Variants in BNC2 observed in about 807,000 individuals in gnomAD.
BNC2 encodes the protein basonuclin zinc finger protein 2.
In BNC2, 20 loss-of-function variants were observed where a neutral mutation model predicts 76.3. That is an observed-to-expected ratio of 0.26 (90% confidence interval 0.18 to 0.38). The LOEUF (loss-of-function observed/expected upper bound fraction) is 0.38, where lower values mean the gene tolerates loss of function less well. Ranked by LOEUF, BNC2 falls within the 10% of genes least tolerant of loss-of-function variation. BNC2 has a pLI of 1.00. For synonymous variants in BNC2, 582 were observed against 514.8 expected (o/e 1.13, Z -1.77); for missense variants, 1,382 against 1,399.8 (o/e 0.99, Z 0.20).
At chr9:16,474,725 G>C (rs1005985289) in intron 5 of BNC2, among the ~76,000 whole-genome samples, 4 of 151,722 alleles carry the variant, frequency 2.6e-5, no homozygotes, top group Non-Finnish European at 5.9e-5. Context: ...TGAAGCTTTC[G>C]TTGAAAAAAA....
At chr9:16,768,934 A>G (rs1825763281) in intron 1 of BNC2, among the ~76,000 whole-genome samples, 1 of 152,230 alleles carries the variant, frequency 6.6e-6, no homozygotes, top group African/African-American at 2.4e-5. Flanking sequence ...CAAATGGCGC[A>G]GACAGTGGCA....
At chr9:16,567,499 T>C (rs1325487135) in intron 4 of BNC2, among the ~76,000 whole-genome samples, 1 of 152,166 alleles carries the variant, frequency 6.6e-6, no homozygotes, top group African/African-American at 2.4e-5. Flanking sequence ...ATAACAGGAA[T>C]TGCTCCTCAA....
intron 5 of BNC2, among the ~76,000 whole-genome samples, chr9:16,458,938 T>A (rs1821514238): frequency 6.6e-6 from 1 of 152,162 alleles, no homozygotes; most frequent in Non-Finnish European, 1.5e-5. Flanking sequence ...TCTGTTTAGT[T>A]TCCTGGTTTT....
chr9:16,472,987 A>G (rs947554995), intron 5 of BNC2, among the ~76,000 whole-genome samples: 1 of 152,182 alleles, frequency 6.6e-6, no homozygotes, highest in African/African-American at 2.4e-5. Flanking sequence ...ACTATGGCAG[A>G]GTCCCAAGGC....
intron 5 of BNC2, among the ~76,000 whole-genome samples, chr9:16,469,320 G>C (rs1056465151): frequency 6.6e-6 from 1 of 152,172 alleles, no homozygotes; most frequent in Non-Finnish European, 1.5e-5. Flanking sequence ...GGAGGTAACT[G>C]AATCATGGGG....
chr9:16,835,317 A>G (rs1818681480), intron 1 of BNC2, among the ~76,000 whole-genome samples: 1 of 152,204 alleles, frequency 6.6e-6, no homozygotes, highest in African/African-American at 2.4e-5. Context: ...AACTCATCTA[A>G]TTCTCACCAC....
chr9:16,458,040 T>C (rs907777375), intron 5 of BNC2, among the ~76,000 whole-genome samples: 1 of 152,154 alleles, frequency 6.6e-6, no homozygotes, highest in Non-Finnish European at 1.5e-5. Flanking sequence ...AATGTCTGTC[T>C]TTATTTGAGC....
chr9:16,619,949 G>C (rs1397325076), intron 3 of BNC2, among the ~76,000 whole-genome samples: 2 of 152,098 alleles, frequency 1.3e-5, no homozygotes, highest in East Asian at 3.9e-4. Flanking sequence ...GCTTTCAGTG[G>C]ACATACAAGT....
chr9:16,618,182 C>T lies in BNC2; in HGVS notation c.331-35097G>A, dbSNP rs560522585. Among the ~76,000 whole-genome samples, 30 of 152,286 alleles carry T rather than the reference C, an allele frequency of 2.0e-4. No homozygotes were observed. The Middle Eastern group carries it at 0.014, about 69-fold the overall frequency. ...GGCCAGTGCCTTGGGGACTGGTTGG[C>T]TACACTGGCTCTGTGACTTAAACCA... is the stretch of plus-strand genomic sequence containing the variant. On this transcript the variant is annotated intron_variant, in intron 3 of 6. Transcript: ENST00000380672.
At chr9:16,565,764 C>T (rs532651060) in intron 4 of BNC2, among the ~76,000 whole-genome samples, 9 of 151,232 alleles carry the variant, frequency 6.0e-5, no homozygotes, top group East Asian at 5.8e-4. Flanking sequence ...GCCAAGATTG[C>T]GCCACTGCAC....
chr9:16,760,524 G>C (rs566042849), intron 1 of BNC2, among the ~76,000 whole-genome samples: 1 of 152,214 alleles, frequency 6.6e-6, no homozygotes, highest in South Asian at 2.1e-4. Context: ...GTGAAAAAAA[G>C]GTCCAATCCA....
intron 1 of BNC2, among the ~76,000 whole-genome samples, chr9:16,788,974 T>C (rs949585833): frequency 1.3e-5 from 2 of 152,184 alleles, no homozygotes; most frequent in African/African-American, 2.4e-5. Context: ...CCTGGTTAAA[T>C]TGTAATACAA....
Position 16,786,690 on chromosome 9 carries a change from G to A in BNC2, c.4-48205C>T, listed in dbSNP as rs372865108. Among the ~76,000 whole-genome samples the A allele has an allele frequency of 2.0e-5, 3 of 152,262 alleles. No individual in the cohort carries two copies. The South Asian group carries it at 6.2e-4, about 32-fold the overall frequency. On this transcript the variant is annotated intron_variant, in intron 1 of 6. Coordinates refer to ENST00000380672, the MANE Select transcript of BNC2 (RefSeq NM_017637.6). ...CTCTGAACCCCAACTGCAGAAAGGGGGAGAGGCCCTGCCCCAAATGTGGGG... is the reference window on the plus strand; with the variant it reads ...CTCTGAACCCCAACTGCAGAAAGGGAGAGAGGCCCTGCCCCAAATGTGGGG...
At chr9:16,783,791 G>A (rs761663368) in intron 1 of BNC2, among the ~76,000 whole-genome samples, 2 of 151,974 alleles carry the variant, frequency 1.3e-5, no homozygotes, top group African/African-American at 2.4e-5. Flanking sequence ...CAATGAAATC[G>A]CAAAGCTATA....
intron 1 of BNC2, among the ~76,000 whole-genome samples, chr9:16,817,102 G>A (rs1029370234): frequency 6.6e-6 from 1 of 152,172 alleles, no homozygotes; most frequent in Non-Finnish European, 1.5e-5. Flanking sequence ...TACATAGGCA[G>A]AACACTCTGA....
At chr9:16,601,476 T>A (rs1820242149) in intron 3 of BNC2, among the ~76,000 whole-genome samples, 1 of 152,120 alleles carries the variant, frequency 6.6e-6, no homozygotes, top group Non-Finnish European at 1.5e-5. Context: ...TTGTTTCGAA[T>A]CCCCTGGGAC....
intron 1 of BNC2, among the ~76,000 whole-genome samples, chr9:16,805,159 C>T (rs1817875277): frequency 6.6e-6 from 1 of 152,056 alleles, no homozygotes; most frequent in African/African-American, 2.4e-5. Context: ...TATAAATAAT[C>T]CATGGACATA....
At chr9:16,511,620 G>C (rs1434574393) in intron 5 of BNC2, among the ~76,000 whole-genome samples, 2 of 151,504 alleles carry the variant, frequency 1.3e-5, no homozygotes, top group African/African-American at 4.9e-5. Context: ...GTAGAGACGG[G>C]GTTTCGCTGT....
At chr9:16,697,131 C>A (rs953510238) in intron 3 of BNC2, among the ~76,000 whole-genome samples, 1 of 151,820 alleles carries the variant, frequency 6.6e-6, no homozygotes, top group Non-Finnish European at 1.5e-5. Flanking sequence ...GAGGCTGAGG[C>A]GGGTGGATCA....
Sources: allele counts gnomAD v4.1 joint callset (sites outside exome capture counted in the v4.1 genomes callset), GRCh38; gene constraint gnomAD v4.1.1; transcripts MANE v1.5; gene names NCBI Gene and HGNC (gene_info 2026-07-23, HGNC 2026-07-21).